Variants in NDUFA3 observed in about 807,000 individuals in gnomAD.
NDUFA3 encodes NADH dehydrogenase [ubiquinone] 1 alpha subcomplex subunit 3.
A neutral mutation model predicts 11.4 loss-of-function variants in NDUFA3; 10 were observed. That is an observed-to-expected ratio of 0.87 (90% CI 0.54 to 1.48). The LOEUF (loss-of-function observed/expected upper bound fraction) is 1.48, where lower values mean the gene tolerates loss of function less well. NDUFA3 is among the 40% of genes most tolerant of loss of function. The pLI is 0.00. For missense variants in NDUFA3, 115 were observed against 110.5 expected (o/e 1.04, Z -0.18); for synonymous variants, 39 against 46.9 (o/e 0.83, Z 0.68).
rs1316415018 is a variant in NDUFA3 at position 54,105,264 on chromosome 19, C to CCTTTTTTTTTTTTTTTTTTTTTTTTTT, written c.86-670_86-669insCTTTTTTTTTTTTTTTTTTTTTTTTTT. On this transcript the variant is annotated intron_variant, in intron 2 of 3. Transcript: ENST00000485876. Reference sequence around the variant, plus strand: ...ACCCTTTCTCCTCCAGTTTGTAAGGCTTTTTTTTTTTTTTTTTTTTTGGTG... The same window carrying CCTTTTTTTTTTTTTTTTTTTTTTTTTT: ...ACCCTTTCTCCTCCAGTTTGTAAGGCCTTTTTTTTTTTTTTTTTTTTTTTTTTTTTTTTTTTTTTTTTTTTTTTGGTG... Among the ~76,000 whole-genome samples the CCTTTTTTTTTTTTTTTTTTTTTTTTTT allele has an allele frequency of 8.4e-5, 6 of 71,258 alleles. 1 individual carries two copies. The highest frequency in any genetic ancestry group is 1.3e-4 in the Non-Finnish European group (5 of 39,670). 46.7% of individuals were successfully genotyped at this position (71,258 alleles called of 152,430 possible). A position where few individuals can be genotyped will look rare whatever the true frequency, so the allele number is the denominator to read the frequency against.
At chr19:54,105,527 C>T in intron 2 of NDUFA3, 3 of 370,160 alleles carry the variant, frequency 8.1e-6, no homozygotes, top group South Asian at 6.5e-5. Flanking sequence ...CATTGGCCGC[C>T]CAAAGTGCTG....
chr19:54,103,722 A>G (rs1181959961), intron 2 of NDUFA3, among the ~76,000 whole-genome samples: 39 of 151,908 alleles, frequency 2.6e-4, no homozygotes. Flanking sequence ...ACTCTCACCC[A>G]GGCTGAAGTG....
intron 3 of NDUFA3, chr19:54,106,360 G>A (rs1416422386): frequency 2.1e-5 from 8 of 380,890 alleles, no homozygotes; most frequent in African/African-American, 1.1e-4. Context: ...TAGTAGAGGC[G>A]GGGTTTCACC....
At chr19:54,105,506 T>C (rs1163529552) in intron 2 of NDUFA3, 1 of 333,022 alleles carries the variant, frequency 3.0e-6, no homozygotes, top group Non-Finnish European at 6.3e-6. Context: ...TGACCTCAGG[T>C]GATCCGCCCA....
At position 54,103,330 on chromosome 19, in the gene NDUFA3, C is replaced by G. The variant is rs1462322678; in HGVS notation, c.85+142C>G. 7 of 833,738 alleles carry G rather than the reference C, an allele frequency of 8.4e-6. No individual in the cohort carries two copies. In the Admixed American group the frequency reaches 1.5e-4, roughly 18 times the overall value. The allele number at this position is 833,738 out of a possible 1,614,324, so 51.6% of individuals were successfully genotyped here. A position where few individuals can be genotyped will look rare whatever the true frequency, so the allele number is the denominator to read the frequency against. On this transcript the variant is annotated intron_variant, in intron 2 of 3. Coordinates refer to ENST00000485876, the MANE Select transcript of NDUFA3 (RefSeq NM_004542.4). Reference sequence around the variant, plus strand: ...CCCCCACGGCATCCCCTTATCTATCCCCATACCCATTATAACCTCTCCACC... The same window carrying G: ...CCCCCACGGCATCCCCTTATCTATCGCCATACCCATTATAACCTCTCCACC...
Position 54,107,207 on chromosome 19 carries a change from G to A in NDUFA3, c.*305G>A. ...AGGAACAAGGTGTTAACAGGCCTGG[G>A]AATCTAGAAAATCCCATCAGCTTCA... On this transcript the variant is annotated 3_prime_UTR_variant, in exon 4 of 4. Transcript: ENST00000485876. 1.3e-6 allele frequency: 2 copies of A among 1,584,242 alleles called. No individual in the cohort carries two copies. The highest frequency in any genetic ancestry group is 1.1e-5 in the South Asian group (1 of 88,384).
chr19:54,103,227 C>G, intron 2 of NDUFA3, 39 bp downstream of exon 2: 1 of 1,552,284 alleles, frequency 6.4e-7, no homozygotes, highest in Non-Finnish European at 8.7e-7. Context: ...CATCGTCCAC[C>G]CCCGTCCCCC....
In NDUFA3 at chr19:54,106,173, C is replaced by G. The variant is rs373676830; in HGVS notation, c.163+162C>G. The G allele has an allele frequency of 3.1e-4, 209 of 670,168 alleles. 2 individuals are homozygous for G. The highest frequency in any genetic ancestry group is 2.6e-3 in the East Asian group (93 of 36,406). The allele number at this position is 670,168 out of a possible 1,614,324, so 41.5% of individuals were successfully genotyped here. A position where few individuals can be genotyped will look rare whatever the true frequency, so the allele number is the denominator to read the frequency against. On this transcript the variant is annotated intron_variant, in intron 3 of 3. Coordinates refer to ENST00000485876, the MANE Select transcript of NDUFA3 (RefSeq NM_004542.4). ...TAAGAATTGAGATATAATTCGTATA[C>G]TATTCTGTGTTTGTGCTTCGTTTTT...
Position 54,106,620 on chromosome 19 carries a change from C to G in NDUFA3, c.164-191C>G, listed in dbSNP as rs1331841833. 4 of 511,454 alleles carry G rather than the reference C, an allele frequency of 7.8e-6. No homozygotes were observed. The African/African-American group carries it at 7.9e-5, about 10-fold the overall frequency. 31.7% of individuals were successfully genotyped at this position (511,454 alleles called of 1,614,324 possible). ...TCTAGTGCGCGGGATCTCTCCCTCGCTATCTCTCTGGTTTTCCGTGTCTCT... is the reference window on the plus strand; with the variant it reads ...TCTAGTGCGCGGGATCTCTCCCTCGGTATCTCTCTGGTTTTCCGTGTCTCT... On this transcript the variant is annotated intron_variant, in intron 3 of 3. Coordinates refer to ENST00000485876, the MANE Select transcript of NDUFA3 (RefSeq NM_004542.4).
intron 2 of NDUFA3, 45 bp downstream of exon 2, chr19:54,103,233 C>T: frequency 6.5e-7 from 1 of 1,532,394 alleles, no homozygotes; most frequent in South Asian, 1.2e-5. Context: ...CCACCCCCGT[C>T]CCCCTACATC....
At chr19:54,105,263 GC>G (rs2073220437) in intron 2 of NDUFA3, among the ~76,000 whole-genome samples, 3 of 38,998 alleles carry the variant, frequency 7.7e-5, no homozygotes, top group Middle Eastern at 0.016. Flanking sequence ...AGTTTGTAAG[GC>G]TTTTTTTTTT....
rs1168975619 is a variant in NDUFA3, at chr19:54,105,890, C to T, written c.86-44C>T. 8 of 1,530,850 alleles carry T rather than the reference C, an allele frequency of 5.2e-6. No individual in the cohort carries two copies. In the Admixed American group the frequency reaches 6.7e-5, roughly 13 times the overall value. The allele number at this position is 1,530,850 out of a possible 1,614,324, so 94.8% of individuals were successfully genotyped here. On this transcript the variant is annotated intron_variant, in intron 2 of 3. Coordinates refer to ENST00000485876, the MANE Select transcript of NDUFA3 (RefSeq NM_004542.4). ...GGCTCACCTTCTCTTCCCCTCTCTT[C>T]AGAGCCACCTTCCCCTGGGCCTCAC...
chr19:54,103,278 C>T lies in NDUFA3; in HGVS notation c.85+90C>T, dbSNP rs1443188154. 7.9e-5 allele frequency: 103 copies of T among 1,307,604 alleles called. 2 individuals carry two copies. In the Admixed American group the frequency reaches 2.6e-3, roughly 33 times the overall value. The allele number at this position is 1,307,604 out of a possible 1,614,324, so 81.0% of individuals were successfully genotyped here. On this transcript the variant is annotated intron_variant, in intron 2 of 3. Transcript: ENST00000485876. ...TGTACCCCTAAAGCCCTATCGCCGCCCTCGGGTCCCCTCTAGTGTGTCTGC... is the reference window on the plus strand; with the variant it reads ...TGTACCCCTAAAGCCCTATCGCCGCTCTCGGGTCCCCTCTAGTGTGTCTGC...
chr19:54,104,857 G>C (rs1198824973), intron 2 of NDUFA3, among the ~76,000 whole-genome samples: 1 of 151,890 alleles, frequency 6.6e-6, no homozygotes, highest in Non-Finnish European at 1.5e-5. Flanking sequence ...TCCTGTCTCA[G>C]CCTCCTTAGT....
intron 3 of NDUFA3, 101 bp from the exon 4 acceptor site, chr19:54,106,709 TG>T: frequency 1.0e-6 from 1 of 969,096 alleles, no homozygotes; most frequent in Non-Finnish European, 1.5e-6. Context: ...CTCTCACCCC[TG>T]GGGTCCCCCT....
intron 3 of NDUFA3, 69 bp downstream of exon 3, chr19:54,106,080 T>C (rs775260816): frequency 1.2e-5 from 18 of 1,449,400 alleles, no homozygotes; most frequent in East Asian, 4.5e-5. Flanking sequence ...AGGGCAGTTA[T>C]GGGCAGGTCT....
At chr19:54,102,910 G>T (rs2073130099) in intron 1 of NDUFA3, 22 bp downstream of exon 1, 11 of 1,608,898 alleles carry the variant, frequency 6.8e-6, no homozygotes, top group African/African-American at 1.3e-5. Flanking sequence ...TGCCGGTGGC[G>T]CACGGGGCTC....
Position 54,105,961 on chromosome 19 carries a change from ACTT to A in NDUFA3, c.115_117del (p.Phe39del). 1 of 1,613,548 alleles carries A rather than the reference ACTT, an allele frequency of 6.2e-7. No homozygotes were observed. Among genetic ancestry groups the A allele is most frequent in the Non-Finnish European group, 8.5e-7 (1 of 1,179,742 alleles). ...GTAATTCTGCCCCCATTGAGCCCCT[ACTT>A]CAAGTACTCCGTCATGATCAACAAG... On this transcript the variant is annotated inframe_deletion, in exon 3 of 4. Coordinates refer to ENST00000485876, the MANE Select transcript of NDUFA3 (RefSeq NM_004542.4).
chr19:54,102,994 G>A, intron 1 of NDUFA3, 106 bp downstream of exon 1: 1 of 1,540,446 alleles, frequency 6.5e-7, no homozygotes, highest in Non-Finnish European at 8.8e-7. Flanking sequence ...GATGGGGTCC[G>A]TGCTGGAGGG....
Sources: allele counts gnomAD v4.1 joint callset (sites outside exome capture counted in the v4.1 genomes callset), GRCh38; gene constraint gnomAD v4.1.1; transcripts MANE v1.5; gene names NCBI Gene and HGNC (gene_info 2026-07-23, HGNC 2026-07-21).